Variants in CREB5 observed in about 807,000 individuals in gnomAD.
CREB5 encodes cyclic AMP-responsive element-binding protein 5.
CREB5 carries 19 observed loss-of-function variants against 57.1 expected under a neutral mutation model. The observed-to-expected ratio is 0.33, with a 90% confidence interval of 0.23 to 0.49. The LOEUF (loss-of-function observed/expected upper bound fraction) is 0.49, where lower values mean the gene tolerates loss of function less well. Among genes scored for constraint, CREB5 ranks in the 20% least tolerant of loss-of-function variants. The pLI is 0.99. For synonymous variants in CREB5, 238 were observed against 238.3 expected (o/e 1.00, Z 0.01); for missense variants, 579 against 671.6 (o/e 0.86, Z 1.52).
chr7:28,716,241 T>G lies in CREB5; in HGVS notation c.465-2512T>G, dbSNP rs149205464. 3.2e-3 allele frequency among the ~76,000 whole-genome samples: 494 copies of G among 152,304 alleles called. 6 individuals are homozygous for G. The highest frequency in any genetic ancestry group is 0.011 in the African/African-American group (456 of 41,578). On this transcript the variant is annotated intron_variant, in intron 5 of 10. Transcript: ENST00000357727. The stretch of plus-strand genomic sequence containing the variant: ...GAAAAAGAACACCTCAAAAAAATCC[T>G]AATGAACAATATTATTTTTCATATG...
upstream of CREB5, among the ~76,000 whole-genome samples, chr7:28,410,949 T>G (rs1178934789): frequency 2.0e-5 from 3 of 152,074 alleles, no homozygotes; most frequent in Non-Finnish European, 4.4e-5. Flanking sequence ...CTCCCCCGTC[T>G]ACACCGTTAT....
rs199561235 is a variant in CREB5 at position 28,306,541 on chromosome 7, G to GTTTTTTTTTTTTTTT, written c.-25+7104_-25+7105insTTTTTTTTTTTTTTT. Among the ~76,000 whole-genome samples, 16 of 44,446 alleles carry GTTTTTTTTTTTTTTT rather than the reference G, an allele frequency of 3.6e-4. 3 individuals carry two copies. Among genetic ancestry groups the GTTTTTTTTTTTTTTT allele is most frequent in the African/African-American group, 1.0e-3 (13 of 12,946 alleles). The allele number at this position is 44,446 out of a possible 152,430, so 29.2% of individuals were successfully genotyped here. A position where few individuals can be genotyped will look rare whatever the true frequency, so the allele number is the denominator to read the frequency against. On this transcript the variant is annotated intron_variant, in intron 1 of 9. Transcript: ENST00000396299. ...ACTGGTGCCAGTACATACAGATACA[G>GTTTTTTTTTTTTTTT]TTTTGTTTTTTTTGTTTTTTTTTTT...
chr7:28,436,382 C>T (rs894318225), intron 1 of CREB5, among the ~76,000 whole-genome samples: 16 of 152,272 alleles, frequency 1.1e-4, no homozygotes, highest in Non-Finnish European at 8.8e-5. Context: ...TGCCCGAAAA[C>T]AGCAGTGTTG....
chr7:28,341,678 A>G, intron 1 of CREB5, among the ~76,000 whole-genome samples: 1 of 152,264 alleles, frequency 6.6e-6, no homozygotes, highest in East Asian at 1.9e-4. Context: ...GATGTACCCA[A>G]TAACCATTTA....
chr7:28,627,806 GA>G (rs1798057360), intron 5 of CREB5, among the ~76,000 whole-genome samples: 1 of 152,016 alleles, frequency 6.6e-6, no homozygotes, highest in Admixed American at 6.6e-5. Flanking sequence ...GCATTCATTA[GA>G]AATTATTTTC....
intron 7 of CREB5, among the ~76,000 whole-genome samples, chr7:28,784,491 A>G (rs550560198): frequency 8.9e-5 from 13 of 146,588 alleles, no homozygotes; most frequent in South Asian, 6.4e-4. Flanking sequence ...GCTTAGCTAT[A>G]GGATTTTTTT....
At chr7:28,816,676 A>G (rs181526456) in intron 9 of CREB5, among the ~76,000 whole-genome samples, 36 of 152,146 alleles carry the variant, frequency 2.4e-4, no homozygotes, top group Admixed American at 1.6e-3. Flanking sequence ...ACAGATTTCA[A>G]TTTTTTTTAG....
intron 1 of CREB5, among the ~76,000 whole-genome samples, chr7:28,453,700 C>A (rs370930243): frequency 6.6e-6 from 1 of 152,194 alleles, no homozygotes; most frequent in Non-Finnish European, 1.5e-5. Context: ...CCAACAATTT[C>A]CCCAAGGCCC....
intron 1 of CREB5, among the ~76,000 whole-genome samples, chr7:28,355,213 G>C (rs531535481): frequency 6.6e-6 from 1 of 152,332 alleles, no homozygotes; most frequent in South Asian, 2.1e-4. Flanking sequence ...ACAAGACAGA[G>C]CTCTGTGAAG....
chr7:28,754,036 T>C (rs1262088161), intron 7 of CREB5, among the ~76,000 whole-genome samples: 1 of 151,442 alleles, frequency 6.6e-6, no homozygotes, highest in African/African-American at 2.4e-5. Flanking sequence ...AAGCCAAATA[T>C]CTAGCTTTCA....
At chr7:28,610,172 C>A (rs146649890) in intron 5 of CREB5, among the ~76,000 whole-genome samples, 218 of 152,254 alleles carry the variant, frequency 1.4e-3, no homozygotes, top group African/African-American at 5.0e-3. Context: ...TTCAGAGCTA[C>A]AGGGATGTCT....
At chr7:28,731,753 G>A (rs921502730) in intron 7 of CREB5, among the ~76,000 whole-genome samples, 4 of 152,160 alleles carry the variant, frequency 2.6e-5, no homozygotes, top group Admixed American at 2.0e-4. Flanking sequence ...TTATTGAAGC[G>A]AAGTACACAG....
At chr7:28,661,254 C>G (rs867188034) in intron 5 of CREB5, among the ~76,000 whole-genome samples, 2 of 152,186 alleles carry the variant, frequency 1.3e-5, no homozygotes, top group African/African-American at 4.8e-5. Flanking sequence ...TCCTAGTTGT[C>G]CTTCCCCTGG....
chr7:28,643,466 C>A (rs1353415300), intron 5 of CREB5, among the ~76,000 whole-genome samples: 1 of 152,154 alleles, frequency 6.6e-6, no homozygotes, highest in Non-Finnish European at 1.5e-5. Flanking sequence ...CCCATAGTAA[C>A]CTTTGGCTGT....
At chr7:28,689,910 G>GT (rs1801161628) in intron 5 of CREB5, among the ~76,000 whole-genome samples, 1 of 3,360 alleles carries the variant, frequency 3.0e-4, no homozygotes. Context: ...CTTGTATTTG[G>GT]TGTGTGTGTG....
chr7:28,562,539 T>A (rs975896324), intron 4 of CREB5, among the ~76,000 whole-genome samples: 1 of 152,156 alleles, frequency 6.6e-6, no homozygotes, highest in Non-Finnish European at 1.5e-5. Context: ...AGAACCTCAC[T>A]TATGGGGGCC....
intron 5 of CREB5, among the ~76,000 whole-genome samples, chr7:28,616,431 G>A (rs994597356): frequency 2.6e-5 from 4 of 151,934 alleles, no homozygotes; most frequent in Admixed American, 2.6e-4. Flanking sequence ...TTCTTCAAGC[G>A]TGTGACCCAT....
intron 5 of CREB5, among the ~76,000 whole-genome samples, chr7:28,657,738 A>AAAAAAAT (rs1554281277): frequency 4.9e-4 from 68 of 139,850 alleles, no homozygotes; most frequent in Non-Finnish European, 6.2e-4. Context: ...AAAAAAAAAA[A>AAAAAAAT]GAATAAAATT....
At chr7:28,710,175 G>A (rs573452402) in intron 5 of CREB5, among the ~76,000 whole-genome samples, 19 of 152,260 alleles carry the variant, frequency 1.2e-4, no homozygotes, top group Non-Finnish European at 2.6e-4. Flanking sequence ...TACCTTTTAT[G>A]CTTTTCAAGA....
Sources: allele counts gnomAD v4.1 joint callset (sites outside exome capture counted in the v4.1 genomes callset), GRCh38; gene constraint gnomAD v4.1.1; transcripts MANE v1.5; gene names NCBI Gene and HGNC (gene_info 2026-07-23, HGNC 2026-07-21).